The following GPC5 variants were observed in gnomAD, a reference collection of about 807,000 sequenced individuals.
GPC5 encodes the protein glypican-5.
In GPC5, 47 loss-of-function variants were observed where a neutral mutation model predicts 53.9. That is an observed-to-expected ratio of 0.87 (90% confidence interval 0.69 to 1.11). The LOEUF (loss-of-function observed/expected upper bound fraction) is 1.11, where lower values mean the gene tolerates loss of function less well. GPC5 is among the 50% of genes most tolerant of loss of function. The pLI is 0.00. For missense variants in GPC5, 748 were observed against 713.1 expected (o/e 1.05, Z -0.56); for synonymous variants, 286 against 263.3 (o/e 1.09, Z -0.84).
chr13:91,590,876 T>G (rs1374523501), intron 2 of GPC5, among the ~76,000 whole-genome samples: 2 of 152,204 alleles, frequency 1.3e-5, no homozygotes, highest in African/African-American at 4.8e-5. Context: ...GAACCTCTCC[T>G]TAAAGTGAGA....
chr13:91,426,380 G>A (rs1400853098), intron 1 of GPC5, among the ~76,000 whole-genome samples: 1 of 152,098 alleles, frequency 6.6e-6, no homozygotes, highest in African/African-American at 2.4e-5. Flanking sequence ...TGGCATATTA[G>A]GGTTCTCTAG....
At chr13:92,408,951 G>C (rs1358374352) in intron 7 of GPC5, among the ~76,000 whole-genome samples, 1 of 151,868 alleles carries the variant, frequency 6.6e-6, no homozygotes, top group South Asian at 2.1e-4. Context: ...GTCTTCATCA[G>C]GTATATAGCT....
chr13:92,832,423 T>C (rs1249674193), intron 7 of GPC5, among the ~76,000 whole-genome samples: 1 of 152,208 alleles, frequency 6.6e-6, no homozygotes, highest in African/African-American at 2.4e-5. Flanking sequence ...ATGGATTTCC[T>C]GGAGATTACT....
At chr13:92,031,897 T>A (rs1202983831) in intron 6 of GPC5, among the ~76,000 whole-genome samples, 8 of 104,342 alleles carry the variant, frequency 7.7e-5, no homozygotes, top group Non-Finnish European at 1.5e-4. Flanking sequence ...TATATTATAT[T>A]TTATATATTA....
At chr13:92,684,062 C>A (rs1887183102) in intron 7 of GPC5, among the ~76,000 whole-genome samples, 1 of 152,038 alleles carries the variant, frequency 6.6e-6, no homozygotes, top group Non-Finnish European at 1.5e-5. Context: ...TGTGCTCTAC[C>A]TAGTTATTCC....
intron 7 of GPC5, among the ~76,000 whole-genome samples, chr13:92,748,957 A>G (rs778129937): frequency 2.0e-5 from 3 of 152,196 alleles, no homozygotes; most frequent in Non-Finnish European, 4.4e-5. Flanking sequence ...ACTTTAATCA[A>G]AAGAATATCA....
At chr13:92,549,297 T>C (rs570961671) in intron 7 of GPC5, among the ~76,000 whole-genome samples, 85 of 152,260 alleles carry the variant, frequency 5.6e-4, no homozygotes, top group African/African-American at 1.9e-3. Context: ...TAATTACTTA[T>C]TTAGTCATGC....
intron 7 of GPC5, among the ~76,000 whole-genome samples, chr13:92,430,259 A>T (rs919537428): frequency 6.6e-6 from 1 of 152,110 alleles, no homozygotes; most frequent in Non-Finnish European, 1.5e-5. Context: ...AACACTAAGA[A>T]ATGTATATGT....
intron 2 of GPC5, among the ~76,000 whole-genome samples, chr13:91,531,636 C>T (rs1371335394): frequency 6.6e-6 from 1 of 152,146 alleles, no homozygotes; most frequent in Non-Finnish European, 1.5e-5. Flanking sequence ...TCTTTATACT[C>T]AGTTCTTATT....
intron 6 of GPC5, among the ~76,000 whole-genome samples, chr13:92,071,019 C>T (rs1176806157): frequency 1.2e-4 from 19 of 152,072 alleles, no homozygotes; most frequent in African/African-American, 2.4e-4. Flanking sequence ...GGGCGGATCA[C>T]GAGGTCAGGA....
chr13:92,762,043 G>GA (rs912441438), intron 7 of GPC5, among the ~76,000 whole-genome samples: 1,576 of 141,808 alleles, frequency 0.011, 29 homozygotes, highest in African/African-American at 0.038. Context: ...CCTTCAAATA[G>GA]AAAAAAAAAA....
At chr13:92,393,348 T>C (rs537041348) in intron 7 of GPC5, among the ~76,000 whole-genome samples, 1 of 152,200 alleles carries the variant, frequency 6.6e-6, no homozygotes, top group East Asian at 1.9e-4. Context: ...GGGAGCTAAA[T>C]AATACGAACT....
chr13:92,100,350 C>T (rs749461489), intron 6 of GPC5, among the ~76,000 whole-genome samples: 4 of 151,994 alleles, frequency 2.6e-5, no homozygotes, highest in Admixed American at 1.3e-4. Context: ...TGCCGTGAGC[C>T]GAGATCACAG....
chr13:91,430,669 A>G (rs943699344), intron 1 of GPC5, among the ~76,000 whole-genome samples: 1 of 152,212 alleles, frequency 6.6e-6, no homozygotes, highest in Non-Finnish European at 1.5e-5. Flanking sequence ...TTAAGCATCT[A>G]TGTCAAGGGT....
In GPC5 at chr13:91,563,878, C is replaced by T. The variant is rs6492553; in HGVS notation, c.325+114956C>T. The stretch of plus-strand genomic sequence containing the variant: ...CTCAATGTTGCTGCCAGCCTCCTCC[C>T]GGAGGACCGGGGAGGAGGGTCTTAC... On this transcript the variant is annotated intron_variant, in intron 2 of 7. Transcript: ENST00000377067. Among the ~76,000 whole-genome samples, 394 of 152,162 alleles carry T rather than the reference C, an allele frequency of 2.6e-3. 1 individual carries two copies. The highest frequency in any genetic ancestry group is 9.0e-3 in the African/African-American group (374 of 41,516).
intron 7 of GPC5, among the ~76,000 whole-genome samples, chr13:92,776,009 T>C (rs1014357749): frequency 1.3e-5 from 2 of 152,214 alleles, no homozygotes; most frequent in African/African-American, 4.8e-5. Context: ...ATTAGTTTCC[T>C]ACAGGCGCTG....
chr13:91,955,920 A>G (rs1363042752), intron 6 of GPC5, among the ~76,000 whole-genome samples: 1 of 152,152 alleles, frequency 6.6e-6, no homozygotes, highest in Non-Finnish European at 1.5e-5. Context: ...TGAGCAGTTT[A>G]CAAGCACCCT....
At chr13:92,787,756 A>AT (rs1406280409) in intron 7 of GPC5, among the ~76,000 whole-genome samples, 30 of 151,334 alleles carry the variant, frequency 2.0e-4, no homozygotes, top group African/African-American at 7.3e-4. Context: ...ACATACTTAT[A>AT]GTCCCAGCTA....
intron 6 of GPC5, among the ~76,000 whole-genome samples, chr13:92,140,670 G>A (rs190917922): frequency 1.3e-5 from 2 of 152,312 alleles, no homozygotes; most frequent in African/African-American, 4.8e-5. Context: ...ACAGAGAGCA[G>A]TAAGGCTGAA....
Sources: allele counts gnomAD v4.1 joint callset (sites outside exome capture counted in the v4.1 genomes callset), GRCh38; gene constraint gnomAD v4.1.1; transcripts MANE v1.5; gene names NCBI Gene and HGNC (gene_info 2026-07-23, HGNC 2026-07-21).